Variants in POLA1 observed in about 807,000 individuals in gnomAD.
POLA1 encodes the protein DNA polymerase alpha catalytic subunit.
Under a neutral mutation model 124.0 loss-of-function variants are expected in POLA1, and 15 were observed. The ratio of observed to expected loss-of-function variants is 0.12; its 90% CI spans 0.08 to 0.19. POLA1 has a LOEUF of 0.19. POLA1 is among the 10% of genes least tolerant of loss of function. The pLI, the probability that POLA1 is intolerant of heterozygous loss-of-function variation, is 1.00. For missense variants in POLA1, 886 were observed against 1,103.4 expected (o/e 0.80, Z 2.79); for synonymous variants, 408 against 389.4 (o/e 1.05, Z -0.56).
At chrX:24,699,632 C>A in intron 2 of POLA1, 83 bp downstream of exon 2, 1 of 797,470 alleles carries the variant, frequency 1.3e-6, no homozygotes, top group Non-Finnish European at 1.7e-6. Flanking sequence ...ACCTTTGCCC[C>A]AGATTAGAAA....
intron 2 of POLA1, among the ~76,000 whole-genome samples, chrX:24,702,661 G>A (rs1346493359): frequency 8.9e-6 from 1 of 112,382 alleles, no homozygotes; most frequent in Admixed American, 9.4e-5. Context: ...TGAGGATGGT[G>A]GAGTTTCAGT....
intron 34 of POLA1, among the ~76,000 whole-genome samples, chrX:24,860,640 T>C (rs1393239560): frequency 8.9e-6 from 1 of 112,718 alleles, no homozygotes. Context: ...GAAGCAACTC[T>C]GTAGGAATAA....
chrX:24,828,990 G>T (rs1173366823), intron 32 of POLA1, among the ~76,000 whole-genome samples: 1 of 112,125 alleles, frequency 8.9e-6, no homozygotes, highest in East Asian at 2.8e-4. Flanking sequence ...TGTATCATAG[G>T]CTGCCTTATG....
intron 30 of POLA1, among the ~76,000 whole-genome samples, chrX:24,819,891 G>A (rs927027797): frequency 4.5e-5 from 5 of 111,614 alleles, no homozygotes; most frequent in Admixed American, 2.8e-4. Context: ...CCACTTATGA[G>A]TGAGAACATG....
At chrX:24,828,134 G>A (rs2046203196) in intron 32 of POLA1, among the ~76,000 whole-genome samples, 1 of 112,771 alleles carries the variant, frequency 8.9e-6, no homozygotes, top group Non-Finnish European at 1.9e-5. Flanking sequence ...TGTATTTGAT[G>A]ATGTTTATAA....
chrX:24,971,931 GATTTTATTTTATTTT>G lies in POLA1; in HGVS notation c.4262-23832_4262-23818del, dbSNP rs61464840. Among the ~76,000 whole-genome samples the G allele has an allele frequency of 1.0e-3, 91 of 86,898 alleles. 1 individual carries two copies. The highest frequency in any genetic ancestry group is 5.6e-3 in the Middle Eastern group (1 of 179). The allele number at this position is 86,898 out of a possible 115,157, so 75.5% of individuals were successfully genotyped here. ...TCATGAAAAGGGAATGGATGTGGAA[GATTTTATTTTATTTT>G]ATTTTATTTTATTTTATTTTATTTT... is the stretch of plus-strand genomic sequence containing the variant. On this transcript the variant is annotated intron_variant, in intron 36 of 36. Transcript: ENST00000379068.
chrX:24,844,920 A>G (rs749432599), intron 34 of POLA1, among the ~76,000 whole-genome samples: 1 of 111,594 alleles, frequency 9.0e-6, no homozygotes, highest in South Asian at 3.8e-4. Context: ...TGAACAGAGT[A>G]TGATCCTTGC....
At chrX:24,854,647 T>C (rs1339810796) in intron 34 of POLA1, among the ~76,000 whole-genome samples, 2 of 110,234 alleles carry the variant, frequency 1.8e-5, no homozygotes, top group Admixed American at 9.6e-5. Context: ...GTGGCCAACA[T>C]GGCGAAACCT....
rs199616931 is a variant in POLA1, at chrX:24,834,385, T to C, written c.3737-7267T>C. On this transcript the variant is annotated intron_variant, in intron 32 of 36. Coordinates refer to ENST00000379068, the MANE Select transcript of POLA1 (RefSeq NM_001330360.2). ...ACTCAGAAATTTTCCATTTATATTA[T>C]GAAGAGGTGTATTGTTGGTGTGAAA... Among the ~76,000 whole-genome samples, 8 of 112,217 alleles carry C rather than the reference T, an allele frequency of 7.1e-5. No homozygotes were observed. In the East Asian group the frequency reaches 1.9e-3, roughly 27 times the overall value.
intron 26 of POLA1, among the ~76,000 whole-genome samples, chrX:24,791,918 T>TA (rs1177429216): frequency 8.9e-6 from 1 of 112,097 alleles, no homozygotes; most frequent in Non-Finnish European, 1.9e-5. Flanking sequence ...GTGGGAGTTT[T>TA]AGAGTGTTTC....
At position 24,996,051 on chromosome X, in the gene POLA1, C is replaced by G; in HGVS notation, c.*101C>G. Reference sequence around the variant, plus strand: ...ATGCTCCTCCAGCATCTGTTTCTCCCTTGGGACTGTGTCTCATGTTTGTGT... The same window carrying G: ...ATGCTCCTCCAGCATCTGTTTCTCCGTTGGGACTGTGTCTCATGTTTGTGT... On this transcript the variant is annotated 3_prime_UTR_variant, in exon 37 of 37. Coordinates refer to ENST00000379068, the MANE Select transcript of POLA1 (RefSeq NM_001330360.2). The G allele has an allele frequency of 1.3e-6, 1 of 741,853 alleles. No individual in the cohort carries two copies. The highest frequency in any genetic ancestry group is 2.0e-6 in the Non-Finnish European group (1 of 501,292). The allele number at this position is 741,853 out of a possible 1,213,427, so 61.1% of individuals were successfully genotyped here. A position where few individuals can be genotyped will look rare whatever the true frequency, so the allele number is the denominator to read the frequency against.
chrX:24,926,087 T>A (rs2047687387), intron 35 of POLA1, among the ~76,000 whole-genome samples: 1 of 107,924 alleles, frequency 9.3e-6, no homozygotes, highest in African/African-American at 3.4e-5. Flanking sequence ...GCGCCTGTGG[T>A]GCCAGCTACA....
intron 36 of POLA1, among the ~76,000 whole-genome samples, chrX:24,978,902 CT>C (rs1232183523): frequency 8.9e-6 from 1 of 112,006 alleles, no homozygotes; most frequent in East Asian, 2.8e-4. Context: ...CCACATAAAA[CT>C]TGCCAAAATG....
chrX:24,990,331 G>C (rs1271808389), intron 36 of POLA1, among the ~76,000 whole-genome samples: 1 of 112,230 alleles, frequency 8.9e-6, no homozygotes, highest in Non-Finnish European at 1.9e-5. Flanking sequence ...TAATTGTGTT[G>C]CATTGATAAA....
At chrX:24,729,746 C>A (rs1930774679) in intron 15 of POLA1, among the ~76,000 whole-genome samples, 2 of 109,734 alleles carry the variant, frequency 1.8e-5, no homozygotes, top group Admixed American at 1.9e-4. Flanking sequence ...TTTTTAACAG[C>A]ATTTTGTCAG....
chrX:24,783,759 A>G (rs1168873988), intron 26 of POLA1, among the ~76,000 whole-genome samples: 4 of 111,912 alleles, frequency 3.6e-5, no homozygotes, highest in Non-Finnish European at 7.5e-5. Context: ...TTGTGCAGAT[A>G]TCAGTGTTCT....
intron 26 of POLA1, among the ~76,000 whole-genome samples, chrX:24,793,745 C>T (rs1477408470): frequency 1.1e-4 from 12 of 109,445 alleles, no homozygotes; most frequent in African/African-American, 1.7e-4. Context: ...CCACCATGCC[C>T]GGCTAATTTT....
At chrX:24,824,549 TC>T (rs1425678222) in intron 31 of POLA1, among the ~76,000 whole-genome samples, 1 of 104,628 alleles carries the variant, frequency 9.6e-6, no homozygotes, top group Non-Finnish European at 2.0e-5. Flanking sequence ...GCTCAAGTGA[TC>T]CTTCTGGCTC....
At chrX:24,992,238 A>G (rs751045461) in intron 36 of POLA1, among the ~76,000 whole-genome samples, 1 of 111,353 alleles carries the variant, frequency 9.0e-6, no homozygotes, top group South Asian at 3.9e-4. Context: ...GTTTTCTTTC[A>G]AATTTTTCTA....
Sources: allele counts gnomAD v4.1 joint callset (sites outside exome capture counted in the v4.1 genomes callset), GRCh38; gene constraint gnomAD v4.1.1; transcripts MANE v1.5; gene names NCBI Gene and HGNC (gene_info 2026-07-23, HGNC 2026-07-21).